NDFIP2: variants seen among roughly 807,000 people sequenced by gnomAD.
The protein encoded by NDFIP2 is Nedd4 family interacting protein 2.
Under a neutral mutation model 36.0 loss-of-function variants are expected in NDFIP2, and 19 were observed. The ratio of observed to expected loss-of-function variants is 0.53; its 90% CI spans 0.37 to 0.77. The LOEUF is 0.77. Among genes scored for constraint, NDFIP2 ranks in the 30% least tolerant of loss-of-function variants. The pLI, the probability that NDFIP2 is intolerant of heterozygous loss-of-function variation, is 0.00. For synonymous variants in NDFIP2, 181 were observed against 167.7 expected, an observed-to-expected ratio of 1.08 and a Z score of -0.61; for missense variants, 446 against 435.8, an observed-to-expected ratio of 1.02 and a Z score of -0.21.
chr13:79,488,163 A>G (rs1221553159), intron 1 of NDFIP2, among the ~76,000 whole-genome samples: 1 of 152,162 alleles, frequency 6.6e-6, no homozygotes, highest in Non-Finnish European at 1.5e-5. Flanking sequence ...GAGGAAATGT[A>G]CACTCAAATA....
chr13:79,521,063 T>C, intron 2 of NDFIP2, 88 bp downstream of exon 2: 2 of 1,060,902 alleles, frequency 1.9e-6, no homozygotes, highest in Non-Finnish European at 2.7e-6. Flanking sequence ...TTAATGGGCT[T>C]ATAAACATAT....
intron 2 of NDFIP2, among the ~76,000 whole-genome samples, chr13:79,525,267 C>T (rs569869098): frequency 1.2e-3 from 176 of 152,290 alleles, no homozygotes; most frequent in Non-Finnish European, 2.6e-4. Context: ...AAATTTACTT[C>T]CTCTTCCATC....
intron 4 of NDFIP2, among the ~76,000 whole-genome samples, chr13:79,540,678 C>T (rs752234733): frequency 2.3e-4 from 35 of 152,114 alleles, no homozygotes; most frequent in African/African-American, 8.0e-4. Context: ...ATACAGCCTT[C>T]GTGAGTTGTC....
intron 1 of NDFIP2, among the ~76,000 whole-genome samples, chr13:79,487,681 C>T (rs1250778651): frequency 3.9e-5 from 6 of 152,142 alleles, no homozygotes; most frequent in Admixed American, 3.9e-4. Flanking sequence ...GTTTTGGTTG[C>T]TCCACACACT....
At position 79,481,471 on chromosome 13, in the gene NDFIP2, C is replaced by T; in HGVS notation, c.268C>T (p.Pro90Ser). Residue 90 changes from proline to serine, a missense_variant, in exon 1 of 8, where the codon CCC becomes TCC. Around this residue, in one of 2 missense-constraint regions of NDFIP2, gnomAD observed 369 missense variants for 304.8 expected, o/e 1.21. Coordinates refer to ENST00000218652, the MANE Select transcript of NDFIP2 (RefSeq NM_019080.3). ...GEDSLSRKPD[P>S]EPGRMDHHQP... ...AGACTCCCTCTCTCGGAAGCCGGAT[C>T]CCGAGCCGGGCAGGATGGATCACCA... 1 of 1,563,040 alleles carries T rather than the reference C, an allele frequency of 6.4e-7. No homozygotes were observed. The highest frequency in any genetic ancestry group is 8.7e-7 in the Non-Finnish European group (1 of 1,153,268).
chr13:79,484,777 A>G (rs145230499), intron 1 of NDFIP2, among the ~76,000 whole-genome samples: 5 of 152,296 alleles, frequency 3.3e-5, no homozygotes, highest in African/African-American at 7.2e-5. Context: ...TAAAAAACCT[A>G]CAGGTTTTAA....
At chr13:79,530,450 A>G (rs925672427) in intron 2 of NDFIP2, among the ~76,000 whole-genome samples, 3 of 152,184 alleles carry the variant, frequency 2.0e-5, no homozygotes, top group African/African-American at 7.2e-5. Flanking sequence ...TAAGACAGCA[A>G]TGAAGTTTGC....
intron 1 of NDFIP2, among the ~76,000 whole-genome samples, chr13:79,518,322 T>C (rs914791947): frequency 6.6e-6 from 1 of 152,248 alleles, no homozygotes; most frequent in East Asian, 1.9e-4. Context: ...TATGTAAATC[T>C]TAATGTTATG....
intron 3 of NDFIP2, 152 bp from the exon 4 acceptor site, chr13:79,539,530 A>G: frequency 1.8e-6 from 1 of 543,676 alleles, no homozygotes; most frequent in Non-Finnish European, 3.3e-6. Context: ...GCTAATGCTT[A>G]TTGATTACTC....
intron 2 of NDFIP2, among the ~76,000 whole-genome samples, chr13:79,524,660 T>G: frequency 6.6e-6 from 1 of 152,224 alleles, no homozygotes; most frequent in East Asian, 1.9e-4. Context: ...ACTGTTTTCT[T>G]CCAAGTAGTT....
intron 1 of NDFIP2, among the ~76,000 whole-genome samples, chr13:79,517,195 CTA>C (rs1237784636): frequency 5.9e-5 from 9 of 152,144 alleles, no homozygotes; most frequent in African/African-American, 2.2e-4. Context: ...TTTTCATGTG[CTA>C]TATTGCCCAC....
At chr13:79,527,719 A>G (rs960438874) in intron 2 of NDFIP2, among the ~76,000 whole-genome samples, 4 of 152,212 alleles carry the variant, frequency 2.6e-5, no homozygotes, top group Non-Finnish European at 4.4e-5. Flanking sequence ...ATATTTATTA[A>G]TCTTAATTAT....
chr13:79,484,952 A>T (rs540709130), intron 1 of NDFIP2, among the ~76,000 whole-genome samples: 3 of 152,330 alleles, frequency 2.0e-5, no homozygotes, highest in African/African-American at 7.2e-5. Context: ...AGACTGGTAC[A>T]TGATAAATAA....
chr13:79,496,334 CTGAG>C (rs1157123378), intron 1 of NDFIP2, among the ~76,000 whole-genome samples: 2 of 151,892 alleles, frequency 1.3e-5, no homozygotes, highest in Admixed American at 6.6e-5. Flanking sequence ...GAACTCTTGG[CTGAG>C]TATTTGTCTG....
At position 79,484,963 on chromosome 13, in the gene NDFIP2, G is replaced by A. The variant is rs9601234; in HGVS notation, c.321+3439G>A. Reference sequence around the variant, plus strand: ...GTAAAGACTGGTACATGATAAATAAGTACCCTTTTTACAAGCTAATAAGTT... The same window carrying A: ...GTAAAGACTGGTACATGATAAATAAATACCCTTTTTACAAGCTAATAAGTT... On this transcript the variant is annotated intron_variant, in intron 1 of 7. Coordinates refer to ENST00000218652, the MANE Select transcript of NDFIP2 (RefSeq NM_019080.3). Among the ~76,000 whole-genome samples, 933 of 152,248 alleles carry A rather than the reference G, an allele frequency of 6.1e-3. 7 individuals are homozygous for A. The highest frequency in any genetic ancestry group is 0.021 in the African/African-American group (884 of 41,522).
intron 1 of NDFIP2, among the ~76,000 whole-genome samples, chr13:79,482,314 GA>G (rs1388417221): frequency 6.7e-6 from 1 of 150,184 alleles, no homozygotes; most frequent in Non-Finnish European, 1.5e-5. Flanking sequence ...TAACTATGTT[GA>G]AAAAAGTGAA....
At chr13:79,538,890 C>T (rs1482430276) in intron 3 of NDFIP2, among the ~76,000 whole-genome samples, 1 of 152,182 alleles carries the variant, frequency 6.6e-6, no homozygotes, top group African/African-American at 2.4e-5. Context: ...CCAGAATAAT[C>T]TTTGACTCCA....
chr13:79,518,344 A>G (rs1487057604), intron 1 of NDFIP2, among the ~76,000 whole-genome samples: 1 of 152,230 alleles, frequency 6.6e-6, no homozygotes, highest in African/African-American at 2.4e-5. Flanking sequence ...TGTTTGTGGA[A>G]AGAGTGGTCT....
At chr13:79,494,084 A>G (rs758580844) in intron 1 of NDFIP2, among the ~76,000 whole-genome samples, 1 of 151,736 alleles carries the variant, frequency 6.6e-6, no homozygotes, top group Non-Finnish European at 1.5e-5. Flanking sequence ...TTCAGCCACT[A>G]ATTTATTTTT....
Sources: allele counts gnomAD v4.1 joint callset (sites outside exome capture counted in the v4.1 genomes callset), GRCh38; gene constraint gnomAD v4.1.1; regional missense constraint gnomAD v4.1.1; transcripts MANE v1.5; gene names NCBI Gene and HGNC (gene_info 2026-07-23, HGNC 2026-07-21).